CEACAM5: variants seen among roughly 807,000 people sequenced by gnomAD.
CEACAM5 encodes cell adhesion molecule CEACAM5.
CEACAM5 carries 52 observed loss-of-function variants against 63.0 expected under a neutral mutation model. The observed-to-expected ratio is 0.83, with a 90% confidence interval of 0.66 to 1.04. The LOEUF is 1.04. CEACAM5 is among the 50% of genes least tolerant of loss of function. CEACAM5 has a pLI of 0.00. For synonymous variants in CEACAM5, 357 were observed against 351.3 expected, an observed-to-expected ratio of 1.02 and a Z score of -0.18; for missense variants, 790 against 864.8, an observed-to-expected ratio of 0.91 and a Z score of 1.08.
Position 41,717,603 on chromosome 19 carries a change from G to T in CEACAM5, c.1107G>T (p.Leu369=). 6.2e-7 allele frequency: 1 copy of T among 1,614,244 alleles called. No individual in the cohort carries two copies. Among genetic ancestry groups the T allele is most frequent in the Non-Finnish European group, 8.5e-7 (1 of 1,180,054 alleles). The change falls in exon 5 of 10, where the codon CTG becomes CTT. Residue 369 remains leucine (L), a synonymous_variant. Coordinates refer to ENST00000221992, the MANE Select transcript of CEACAM5 (RefSeq NM_004363.6). ...AGAGCCTCCCGGTCAGTCCCAGGCT[G>T]CAGCTGTCCAATGACAACAGGACCC... ...NNQSLPVSPR[L]QLSNDNRTLT...
chr19:41,721,328 C>T (rs2072618287), intron 8 of CEACAM5, 152 bp downstream of exon 8: 1 of 849,824 alleles, frequency 1.2e-6, no homozygotes. Context: ...CACTCCATCT[C>T]GGCCAACTCT....
At chr19:41,720,816 C>T (rs2122819065) in intron 7 of CEACAM5, 106 bp from the exon 8 acceptor site, 2 of 1,442,586 alleles carry the variant, frequency 1.4e-6, no homozygotes, top group Non-Finnish European at 1.9e-6. Context: ...GACTTTTTAA[C>T]ACAGGATTGG....
chr19:41,718,377 T>C lies in CEACAM5; in HGVS notation c.1487T>C (p.Val496Ala), dbSNP rs1555815480. 6.2e-7 allele frequency: 1 copy of C among 1,614,060 alleles called. No individual in the cohort carries two copies. The highest frequency in any genetic ancestry group is 1.7e-5 in the Admixed American group (1 of 60,022). Residue 496 changes from valine (V) to alanine (A), a missense_variant, in exon 6 of 10, where the codon GTC (valine) becomes GCC (alanine). Val to Ala is a moderately conservative substitution (Grantham distance 64). Coordinates refer to ENST00000221992, the MANE Select transcript of CEACAM5 (RefSeq NM_004363.6). The part of the protein sequence containing the change: ...HSRTTVKTIT[V>A]SAELPKPSIS... ...AGGACTACAGTCAAGACAATCACAGTCTCTGGTAAGTGGATCCCTGGACCG... is the reference window on the plus strand; with the variant it reads ...AGGACTACAGTCAAGACAATCACAGCCTCTGGTAAGTGGATCCCTGGACCG...
At position 41,718,167 on chromosome 19, in the gene CEACAM5, A is replaced by G. The variant is rs1555815392; in HGVS notation, c.1277A>G (p.Tyr426Cys). 1 of 1,613,930 alleles carries G rather than the reference A, an allele frequency of 6.2e-7. No homozygotes were observed. Among genetic ancestry groups the G allele is most frequent in the Admixed American group, 1.7e-5 (1 of 59,998 alleles). Residue 426 changes from tyrosine to cysteine, a missense_variant, in exon 6 of 10, where the codon TAT (tyrosine) becomes TGT (cysteine). By Grantham distance (194) the Tyr-to-Cys change is radical. Coordinates refer to ENST00000221992, the MANE Select transcript of CEACAM5 (RefSeq NM_004363.6). ...CCCACCATTTCCCCCTCATACACCT[A>G]TTACCGTCCAGGGGTGAACCTCAGC... Reference protein sequence around the residue: ...DDPTISPSYTYYRPGVNLSLS... With the variant: ...DDPTISPSYTCYRPGVNLSLS...
At chr19:41,714,850 A>G in intron 2 of CEACAM5, 121 bp from the exon 3 acceptor site, 2 of 1,540,886 alleles carry the variant, frequency 1.3e-6, no homozygotes, top group Non-Finnish European at 1.8e-6. Flanking sequence ...ACATGCACCC[A>G]CCGTGGGTTT....
chr19:41,719,818 T>C, intron 6 of CEACAM5, 112 bp from the exon 7 acceptor site: 15 of 1,554,136 alleles, frequency 9.7e-6, no homozygotes, highest in Non-Finnish European at 1.2e-5. Flanking sequence ...TGCCATGGGC[T>C]TTTAAGGACT....
At position 41,729,421 on chromosome 19, in the gene CEACAM5, A is replaced by T. The variant is rs1318552369; in HGVS notation, c.*274A>T. The T allele has an allele frequency of 6.6e-6, 1 of 152,066 alleles. No individual in the cohort carries two copies. The highest frequency in any genetic ancestry group is 2.4e-5 in the African/African-American group (1 of 41,338). 9.4% of individuals were successfully genotyped at this position (152,066 alleles called of 1,614,324 possible). A position where few individuals can be genotyped will look rare whatever the true frequency, so the allele number is the denominator to read the frequency against. ...AATCGCTTGAACCCGGGAGGTGGAG[A>T]TTGCAGTGAGCCCAGATCGCACCAC... is the stretch of plus-strand genomic sequence containing the variant. On this transcript the variant is annotated 3_prime_UTR_variant, in exon 10 of 10. Coordinates refer to ENST00000221992, the MANE Select transcript of CEACAM5 (RefSeq NM_004363.6).
rs1555815264 is a variant in CEACAM5, at chr19:41,717,581, G to C, written c.1085G>C (p.Ser362Thr). The change falls in exon 5 of 10, where the codon AGC becomes ACC. Residue 362 changes from serine (S) to threonine (T), a missense_variant. Transcript: ENST00000221992. ...TTYLWWVNNQSLPVSPRLQLS... is the reference protein window; with the variant it reads ...TTYLWWVNNQTLPVSPRLQLS... ...TACCTGTGGTGGGTAAATAATCAGA[G>C]CCTCCCGGTCAGTCCCAGGCTGCAG... The C allele has an allele frequency of 1.2e-6, 2 of 1,614,218 alleles. No individual in the cohort carries two copies. The highest frequency in any genetic ancestry group is 1.7e-6 in the Non-Finnish European group (2 of 1,180,042).
intron 8 of CEACAM5, among the ~76,000 whole-genome samples, chr19:41,723,946 C>CA (rs35830094): frequency 0.36 from 37,009 of 103,486 alleles, 5,254 homozygotes; most frequent in Middle Eastern, 0.44. Flanking sequence ...GAGACTCTGT[C>CA]AAAAAAAAAA....
chr19:41,720,140 C>A lies in CEACAM5; in HGVS notation c.1703C>A (p.Ala568Asp). 6.2e-7 allele frequency: 1 copy of A among 1,614,232 alleles called. No individual in the cohort carries two copies. Among genetic ancestry groups the A allele is most frequent in the South Asian group, 1.1e-5 (1 of 91,084 alleles). ...AATGTCACAAGAAATGACGCAAGAG[C>A]CTATGTATGTGGAATCCAGAACTCA... Reference protein sequence around the residue: ...LFNVTRNDARAYVCGIQNSVS... With the variant: ...LFNVTRNDARDYVCGIQNSVS... The change falls in exon 7 of 10, where the codon GCC (alanine) becomes GAC (aspartate). Residue 568 changes from alanine (A) to aspartate (D), a missense_variant. Physicochemically the swap from Ala to Asp is moderately radical, Grantham distance 126. Coordinates refer to ENST00000221992, the MANE Select transcript of CEACAM5 (RefSeq NM_004363.6).
In CEACAM5 at chr19:41,717,446, T is replaced by G. The variant is rs1555815240; in HGVS notation, c.959-9T>G. 3 of 1,609,708 alleles carry G rather than the reference T, an allele frequency of 1.9e-6. No homozygotes were observed. In the South Asian group the frequency reaches 3.3e-5, roughly 18 times the overall value. On this transcript the variant is annotated splice_polypyrimidine_tract_variant and intron_variant, in intron 4 of 9. Coordinates refer to ENST00000221992, the MANE Select transcript of CEACAM5 (RefSeq NM_004363.6). ...ACACAGGGCAATCTTCTCTCTGTTA[T>G]CTGCACAGCAGAGCCACCCAAACCC...
At chr19:41,729,117 GTTC>G (rs1328089293) in intron 9 of CEACAM5, 64 bp from the exon 10 acceptor site, 1 of 152,108 alleles carries the variant, frequency 6.6e-6, no homozygotes, top group Admixed American at 6.5e-5. Context: ...TGTGAGTTGT[GTTC>G]TTATTATAAT....
chr19:41,717,969 T>C (rs964539823), intron 5 of CEACAM5, among the ~76,000 whole-genome samples, 159 bp from the exon 6 acceptor site: 15 of 152,190 alleles, frequency 9.9e-5, no homozygotes, highest in African/African-American at 3.1e-4. Context: ...GAGAAACAGA[T>C]GAATGTCTCA....
chr19:41,714,170 G>T (rs147174325), intron 2 of CEACAM5, among the ~76,000 whole-genome samples: 1 of 152,110 alleles, frequency 6.6e-6, no homozygotes, highest in Non-Finnish European at 1.5e-5. Flanking sequence ...AGCCGAGATC[G>T]TGCCTGGCCA....
chr19:41,720,034 C>G lies in CEACAM5; in HGVS notation c.1597C>G (p.Leu533Val). 6.2e-7 allele frequency: 1 copy of G among 1,614,228 alleles called. No individual in the cohort carries two copies. The highest frequency in any genetic ancestry group is 8.5e-7 in the Non-Finnish European group (1 of 1,180,040). ...ACCTGAGGCTCAGAACACAACCTAC[C>G]TGTGGTGGGTAAATGGTCAGAGCCT... is the stretch of plus-strand genomic sequence containing the variant. Reference protein sequence around the residue: ...CEPEAQNTTYLWWVNGQSLPV... With the variant: ...CEPEAQNTTYVWWVNGQSLPV... Residue 533 changes from leucine to valine, a missense_variant, in exon 7 of 10, where the codon CTG becomes GTG. By Grantham distance (32) the Leu-to-Val change is conservative. Coordinates refer to ENST00000221992, the MANE Select transcript of CEACAM5 (RefSeq NM_004363.6).
Position 41,727,266 on chromosome 19 carries a change from G to A in CEACAM5, c.2059G>A (p.Ala687Thr), listed in dbSNP as rs782497345. ...AACTTCTCCTGGTCTCTCAGCTGGG[G>A]CCACTGTCGGCATCATGATTGGAGT... ...SGTSPGLSAG[A>T]TVGIMIGVLV... The change falls in exon 9 of 10, where the codon GCC (alanine) becomes ACC (threonine). Residue 687 changes from alanine to threonine, a missense_variant. Coordinates refer to ENST00000221992, the MANE Select transcript of CEACAM5 (RefSeq NM_004363.6). The A allele has an allele frequency of 1.7e-5, 28 of 1,613,976 alleles. No homozygotes were observed. The highest frequency in any genetic ancestry group is 2.1e-5 in the Non-Finnish European group (25 of 1,179,960).
intron 4 of CEACAM5, 73 bp downstream of exon 4, chr19:41,715,977 AAG>A (rs2072520692): frequency 6.4e-7 from 1 of 1,552,058 alleles, no homozygotes; most frequent in Non-Finnish European, 8.8e-7. Flanking sequence ...AAGAGCCAGG[AAG>A]ACATTTTCTA....
intron 6 of CEACAM5, 149 bp downstream of exon 6, chr19:41,718,531 C>A: frequency 1.3e-6 from 1 of 780,792 alleles, no homozygotes; most frequent in Non-Finnish European, 2.1e-6. Flanking sequence ...CCCAATTTGT[C>A]TCTACAAACA....
intron 8 of CEACAM5, among the ~76,000 whole-genome samples, chr19:41,725,255 T>G (rs1011710816): frequency 4.6e-4 from 70 of 152,342 alleles, no homozygotes; most frequent in African/African-American, 1.6e-3. Flanking sequence ...CCATTTCATC[T>G]AGGTTATTCA....
Sources: gnomAD v4.1 joint callset for allele counts (sites outside exome capture counted in the v4.1 genomes callset) on GRCh38, gnomAD v4.1.1 for gene constraint, MANE v1.5 for transcripts, NCBI Gene and HGNC (gene_info 2026-07-23, HGNC 2026-07-21) for gene names.